The following SLC9A9 variants were observed in gnomAD, a reference collection of about 807,000 sequenced individuals.
The protein encoded by SLC9A9 is solute carrier family 9 member A9.
Under a neutral mutation model 77.8 loss-of-function variants are expected in SLC9A9, and 62 were observed. That is an observed-to-expected ratio of 0.80 (90% CI 0.65 to 0.98). The LOEUF is 0.98. SLC9A9 is among the 50% of genes least tolerant of loss of function. The pLI is 0.00. For missense variants in SLC9A9, 775 were observed against 774.9 expected, an observed-to-expected ratio of 1.00 and a Z score of 0.00; for synonymous variants, 320 against 283.5, an observed-to-expected ratio of 1.13 and a Z score of -1.29.
intron 2 of SLC9A9, among the ~76,000 whole-genome samples, chr3:143,827,208 ATAGGATGTAG>A (rs1156630474): frequency 2.0e-5 from 3 of 152,228 alleles, no homozygotes; most frequent in Non-Finnish European, 2.9e-5. Context: ...CTATCATGTA[ATAGGATGTAG>A]GCCCTAAAGG....
intron 14 of SLC9A9, among the ~76,000 whole-genome samples, chr3:143,330,702 A>G (rs368405997): frequency 5.9e-5 from 9 of 152,332 alleles, no homozygotes; most frequent in East Asian, 1.9e-4. Flanking sequence ...ACAAATGTCA[A>G]TGGTGAATTA....
At chr3:143,324,773 G>A (rs1452633774) in intron 14 of SLC9A9, among the ~76,000 whole-genome samples, 2 of 152,096 alleles carry the variant, frequency 1.3e-5, no homozygotes, top group East Asian at 1.9e-4. Context: ...AGTGAGCCAC[G>A]ATTGCACCAC....
At chr3:143,534,044 T>G (rs562407855) in intron 9 of SLC9A9, among the ~76,000 whole-genome samples, 106 of 152,328 alleles carry the variant, frequency 7.0e-4, no homozygotes, top group Middle Eastern at 3.4e-3. Context: ...TTGCCCATAT[T>G]TCACTTAAAA....
At chr3:143,737,475 T>TA (rs550280959) in intron 4 of SLC9A9, among the ~76,000 whole-genome samples, 2,829 of 140,088 alleles carry the variant, frequency 0.02, 34 homozygotes, top group African/African-American at 0.026. Context: ...TAATGAGAGT[T>TA]AAAAAAAAAA....
At chr3:143,611,887 C>T (rs936242677) in intron 6 of SLC9A9, among the ~76,000 whole-genome samples, 4 of 152,128 alleles carry the variant, frequency 2.6e-5, no homozygotes, top group African/African-American at 9.7e-5. Flanking sequence ...GAACACACCA[C>T]CATACCTGGC....
At chr3:143,446,318 T>G (rs2034841548) in intron 12 of SLC9A9, among the ~76,000 whole-genome samples, 1 of 151,984 alleles carries the variant, frequency 6.6e-6, no homozygotes, top group African/African-American at 2.4e-5. Flanking sequence ...GTAGATACAC[T>G]GGGGACCTCG....
At chr3:143,558,636 C>T (rs2037028420) in intron 8 of SLC9A9, among the ~76,000 whole-genome samples, 1 of 152,100 alleles carries the variant, frequency 6.6e-6, no homozygotes, top group South Asian at 2.1e-4. Flanking sequence ...TTGTTTTGGC[C>T]AATTTCTCCT....
At chr3:143,734,732 C>CA (rs532314682) in intron 4 of SLC9A9, among the ~76,000 whole-genome samples, 2,935 of 65,670 alleles carry the variant, frequency 0.045, 91 homozygotes, top group African/African-American at 0.091. Flanking sequence ...GACTCCATCT[C>CA]AAAAAAAAAA....
intron 11 of SLC9A9, among the ~76,000 whole-genome samples, chr3:143,491,077 T>C (rs1303322612): frequency 6.6e-6 from 1 of 152,188 alleles, no homozygotes; most frequent in Admixed American, 6.5e-5. Context: ...GATTGTGCCC[T>C]TGAGTTCAAG....
chr3:143,376,310 A>C (rs1219188770), intron 13 of SLC9A9, among the ~76,000 whole-genome samples: 1 of 152,234 alleles, frequency 6.6e-6, no homozygotes, highest in Admixed American at 6.5e-5. Flanking sequence ...GGCTATCCTT[A>C]CTGGGAAGAA....
intron 9 of SLC9A9, among the ~76,000 whole-genome samples, chr3:143,519,357 A>G (rs1576549839): frequency 6.6e-6 from 1 of 152,268 alleles, no homozygotes; most frequent in East Asian, 1.9e-4. Flanking sequence ...GACATTTGGA[A>G]GAGGGACACT....
intron 12 of SLC9A9, among the ~76,000 whole-genome samples, chr3:143,422,820 A>G (rs1241311846): frequency 6.6e-6 from 1 of 152,258 alleles, no homozygotes; most frequent in Non-Finnish European, 1.5e-5. Flanking sequence ...AGTGAGTATC[A>G]GAGCCAGTGT....
At chr3:143,552,965 C>T (rs1224796665) in intron 8 of SLC9A9, among the ~76,000 whole-genome samples, 1 of 152,076 alleles carries the variant, frequency 6.6e-6, no homozygotes, top group African/African-American at 2.4e-5. Context: ...TTTTGCTGCC[C>T]CTGCCAACGC....
chr3:143,389,249 G>C (rs936116709), intron 12 of SLC9A9, among the ~76,000 whole-genome samples: 4 of 152,088 alleles, frequency 2.6e-5, no homozygotes, highest in African/African-American at 9.7e-5. Flanking sequence ...TTGTCTTCAG[G>C]TTGGGAGAGA....
intron 14 of SLC9A9, among the ~76,000 whole-genome samples, chr3:143,337,120 A>G (rs1029241090): frequency 7.2e-5 from 11 of 152,128 alleles, no homozygotes; most frequent in African/African-American, 2.4e-4. Context: ...GGGAGAGAAT[A>G]TTATAATTTT....
intron 14 of SLC9A9, among the ~76,000 whole-genome samples, chr3:143,281,967 CT>C (rs1938233996): frequency 1.3e-5 from 2 of 152,182 alleles, no homozygotes; most frequent in African/African-American, 4.8e-5. Context: ...CTCAATGTCA[CT>C]TATGTTTCAC....
intron 14 of SLC9A9, among the ~76,000 whole-genome samples, chr3:143,285,522 T>C (rs1474128995): frequency 6.6e-6 from 1 of 152,220 alleles, no homozygotes; most frequent in Non-Finnish European, 1.5e-5. Context: ...TAGTCTAACA[T>C]GCCCCCTCTT....
chr3:143,493,849 G>A, intron 10 of SLC9A9, 85 bp from the exon 11 acceptor site: 4 of 1,004,056 alleles, frequency 4.0e-6, no homozygotes, highest in South Asian at 3.9e-5. Flanking sequence ...ATGTCCTCAA[G>A]CTTCTCTTCA....
At chr3:143,432,785 A>C (rs1398817612) in intron 12 of SLC9A9, among the ~76,000 whole-genome samples, 1 of 151,932 alleles carries the variant, frequency 6.6e-6, no homozygotes, top group East Asian at 1.9e-4. Flanking sequence ...ATACCCCCAC[A>C]CCCGGCTAAT....
Sources: gnomAD v4.1 joint callset for allele counts (sites outside exome capture counted in the v4.1 genomes callset) on GRCh38, gnomAD v4.1.1 for gene constraint, MANE v1.5 for transcripts, NCBI Gene and HGNC (gene_info 2026-07-23, HGNC 2026-07-21) for gene names.